The following MTUS2 variants were observed in gnomAD, a reference collection of about 807,000 sequenced individuals.
The protein encoded by MTUS2 is microtubule-associated tumor suppressor candidate 2.
Under a neutral mutation model 114.1 loss-of-function variants are expected in MTUS2, and 40 were observed. That is an observed-to-expected ratio of 0.35 (90% confidence interval 0.27 to 0.46). The LOEUF (loss-of-function observed/expected upper bound fraction) is 0.46, where lower values mean the gene tolerates loss of function less well. Ranked by LOEUF, MTUS2 falls within the 20% of genes least tolerant of loss-of-function variation. The pLI is 1.00. For missense variants in MTUS2, 1,679 were observed against 1,705.4 expected, an observed-to-expected ratio of 0.98 and a Z score of 0.27; for synonymous variants, 688 against 672.0, an observed-to-expected ratio of 1.02 and a Z score of -0.37.
chr13:28,962,561 T>A (rs1454649169), intron 2 of MTUS2, among the ~76,000 whole-genome samples: 1 of 152,194 alleles, frequency 6.6e-6, no homozygotes, highest in Non-Finnish European at 1.5e-5. Context: ...GAAATGAAGT[T>A]TCTTTAAAAG....
chr13:29,387,956 T>C (rs1267754284), intron 8 of MTUS2, among the ~76,000 whole-genome samples: 4 of 152,142 alleles, frequency 2.6e-5, no homozygotes, highest in Non-Finnish European at 5.9e-5. Flanking sequence ...CCAGCACATA[T>C]ACACAATTGG....
At chr13:28,975,719 T>C (rs1884063227) in intron 2 of MTUS2, among the ~76,000 whole-genome samples, 2 of 152,212 alleles carry the variant, frequency 1.3e-5, no homozygotes, top group East Asian at 1.9e-4. Flanking sequence ...GACAATATTA[T>C]TTTTATCCCT....
chr13:29,504,412 C>A lies in MTUS2; in HGVS notation c.*1206C>A. On this transcript the variant is annotated 3_prime_UTR_variant, in exon 16 of 16. Transcript: ENST00000612955. The stretch of plus-strand genomic sequence containing the variant: ...CTTCCAGAAAAAAAAAACACCATTT[C>A]TGTCCCGGGGGACCAGTTCTGAGCT... 1 of 230,768 alleles carries A rather than the reference C, an allele frequency of 4.3e-6. No individual in the cohort carries two copies. Among genetic ancestry groups the A allele is most frequent in the East Asian group, 6.1e-5 (1 of 16,270 alleles). 14.3% of individuals were successfully genotyped at this position (230,768 alleles called of 1,614,324 possible).
chr13:28,909,503 T>G (rs535050193), intron 2 of MTUS2, among the ~76,000 whole-genome samples: 11 of 152,252 alleles, frequency 7.2e-5, no homozygotes, highest in African/African-American at 2.6e-4. Flanking sequence ...AAACTCTCAA[T>G]AAATTAGGTA....
chr13:29,307,223 A>G (rs1381334842), intron 6 of MTUS2: 13 of 583,184 alleles, frequency 2.2e-5, no homozygotes, highest in African/African-American at 5.5e-5. Flanking sequence ...ATCATCAGCA[A>G]TGCCTCCTGC....
At chr13:29,375,626 TATATATATATATAC>T (rs1871648803) in intron 8 of MTUS2, among the ~76,000 whole-genome samples, 1 of 6,682 alleles carries the variant, frequency 1.5e-4, no homozygotes, top group African/African-American at 2.3e-4. Flanking sequence ...TATATATATA[TATATATATATATAC>T]ACACACCATG....
intron 4 of MTUS2, among the ~76,000 whole-genome samples, chr13:29,089,992 T>C (rs1889866211): frequency 6.6e-6 from 1 of 152,234 alleles, no homozygotes; most frequent in Admixed American, 6.5e-5. Flanking sequence ...GTCATTTGGA[T>C]GTCTTAAGAC....
At chr13:29,211,168 G>A (rs59371170) in intron 5 of MTUS2, among the ~76,000 whole-genome samples, 10 of 152,078 alleles carry the variant, frequency 6.6e-5, no homozygotes, top group African/African-American at 2.2e-4. Context: ...GAGGATGGGG[G>A]TGTGGTTCTC....
intron 2 of MTUS2, among the ~76,000 whole-genome samples, chr13:28,845,768 T>C (rs753094601): frequency 2.6e-5 from 4 of 151,998 alleles, no homozygotes; most frequent in Non-Finnish European, 5.9e-5. Flanking sequence ...TTGGTGACAC[T>C]CTGGGTCATG....
chr13:29,473,754 A>G (rs1393911030), intron 9 of MTUS2, among the ~76,000 whole-genome samples: 2 of 152,182 alleles, frequency 1.3e-5, no homozygotes, highest in African/African-American at 4.8e-5. Context: ...CTCTTGGCCA[A>G]TCATAATCTG....
chr13:29,031,269 T>TGTGTGTGTGTGG (rs1223710633), intron 3 of MTUS2, among the ~76,000 whole-genome samples: 1 of 128,100 alleles, frequency 7.8e-6, no homozygotes, highest in Non-Finnish European at 1.7e-5. Flanking sequence ...TGTGTGTGTG[T>TGTGTGTGTGTGG]GGTGTGTGTT....
chr13:28,888,508 G>C (rs1177118334), intron 2 of MTUS2, among the ~76,000 whole-genome samples: 1 of 146,958 alleles, frequency 6.8e-6, no homozygotes, highest in Admixed American at 7.0e-5. Flanking sequence ...CGCAAACTTT[G>C]CCTCCTGGGT....
At chr13:29,184,111 T>C (rs1894120785) in intron 5 of MTUS2, among the ~76,000 whole-genome samples, 1 of 152,260 alleles carries the variant, frequency 6.6e-6, no homozygotes, top group Non-Finnish European at 1.5e-5. Context: ...CAGCAGGTAT[T>C]GTGCATATCA....
intron 4 of MTUS2, among the ~76,000 whole-genome samples, chr13:29,041,772 C>T (rs1292143577): frequency 2.0e-5 from 3 of 152,020 alleles, no homozygotes; most frequent in African/African-American, 7.2e-5. Context: ...AGTTTGGTTG[C>T]TGTTGGTGTA....
At position 29,174,576 on chromosome 13, in the gene MTUS2, G is replaced by A. The variant is rs529251065; in HGVS notation, c.2644+73606G>A. Among the ~76,000 whole-genome samples the A allele has an allele frequency of 2.3e-4, 35 of 152,286 alleles. No individual in the cohort carries two copies. The South Asian group carries it at 7.3e-3, about 32-fold the overall frequency. On this transcript the variant is annotated intron_variant, in intron 5 of 15. Coordinates refer to ENST00000612955, the MANE Select transcript of MTUS2 (RefSeq NM_001033602.4). ...TAAAAGATTAGCCAAACTGCATTCT[G>A]TTTTGCATTCTAAAATTACCCTCAA...
At chr13:29,013,663 C>T (rs1885945120) in intron 2 of MTUS2, among the ~76,000 whole-genome samples, 1 of 152,228 alleles carries the variant, frequency 6.6e-6, no homozygotes, top group Admixed American at 6.5e-5. Flanking sequence ...TTAAAGGGGA[C>T]ATGTAACTCT....
chr13:28,839,195 A>T (rs1347246301), intron 1 of MTUS2, among the ~76,000 whole-genome samples: 1 of 152,120 alleles, frequency 6.6e-6, no homozygotes, highest in Non-Finnish European at 1.5e-5. Flanking sequence ...CAATTTAGAG[A>T]AGAGAGTAAT....
chr13:29,219,135 A>G (rs1895802892), intron 5 of MTUS2, among the ~76,000 whole-genome samples: 1 of 90,144 alleles, frequency 1.1e-5, no homozygotes, highest in Admixed American at 1.5e-4. Context: ...CCCCCACCCC[A>G]CCACAGTCCC....
intron 6 of MTUS2, among the ~76,000 whole-genome samples, chr13:29,297,031 T>C (rs543141599): frequency 2.5e-4 from 38 of 152,302 alleles, no homozygotes; most frequent in African/African-American, 9.1e-4. Flanking sequence ...CAGACCAATG[T>C]CCCGAAGTAT....
Sources: allele counts gnomAD v4.1 joint callset (sites outside exome capture counted in the v4.1 genomes callset), GRCh38; gene constraint gnomAD v4.1.1; transcripts MANE v1.5; gene names NCBI Gene and HGNC (gene_info 2026-07-23, HGNC 2026-07-21).